Variants in LRRTM4 observed in about 807,000 individuals in gnomAD.
The protein encoded by LRRTM4 is leucine rich repeat transmembrane neuronal 4, also known as leucine-rich repeat transmembrane neuronal protein 4.
In LRRTM4, 25 loss-of-function variants were observed where a neutral mutation model predicts 47.6. That is an observed-to-expected ratio of 0.53 (90% CI 0.38 to 0.73). The LOEUF is 0.73. Among genes scored for constraint, LRRTM4 ranks in the 30% least tolerant of loss-of-function variants. The pLI, the probability that LRRTM4 is intolerant of heterozygous loss-of-function variation, is 0.00. For synonymous variants in LRRTM4, 311 were observed against 269.5 expected, an observed-to-expected ratio of 1.15 and a Z score of -1.51; for missense variants, 638 against 713.4, an observed-to-expected ratio of 0.89 and a Z score of 1.20.
At chr2:76,876,936 G>T (rs1672795533) in intron 3 of LRRTM4, among the ~76,000 whole-genome samples, 1 of 151,936 alleles carries the variant, frequency 6.6e-6, no homozygotes, top group Non-Finnish European at 1.5e-5. Context: ...TTAAAATAAA[G>T]GTTTCAAATC....
chr2:76,940,368 T>C (rs1024621465), intron 3 of LRRTM4, among the ~76,000 whole-genome samples: 3 of 152,102 alleles, frequency 2.0e-5, no homozygotes, highest in Non-Finnish European at 4.4e-5. Flanking sequence ...CCACTATACT[T>C]AGCAAACTGA....
intron 3 of LRRTM4, among the ~76,000 whole-genome samples, chr2:76,971,413 C>T (rs1196140296): frequency 6.6e-6 from 1 of 151,994 alleles, no homozygotes; most frequent in Non-Finnish European, 1.5e-5. Context: ...AGATGATTAA[C>T]AGGGGCTAAA....
rs1679408450 is a variant in LRRTM4 at position 77,050,873 on chromosome 2, T to G, written c.1552-301957A>C. ...CAGAGTAAGAACTTCTCAGATATTA[T>G]TCATCAGTACTCTTATTACAAATAT... On this transcript the variant is annotated intron_variant, in intron 3 of 3. Transcript: ENST00000409884. Among the ~76,000 whole-genome samples the G allele has an allele frequency of 5.3e-5, 8 of 152,298 alleles. No homozygotes were observed. The South Asian group carries it at 1.7e-3, about 32-fold the overall frequency.
At chr2:77,100,400 C>T (rs906098407) in intron 3 of LRRTM4, among the ~76,000 whole-genome samples, 4 of 152,140 alleles carry the variant, frequency 2.6e-5, no homozygotes, top group Admixed American at 6.6e-5. Flanking sequence ...CTTGCTTCAA[C>T]GATGGAGCGC....
chr2:77,169,282 T>G (rs755597689), intron 3 of LRRTM4, among the ~76,000 whole-genome samples: 1 of 152,130 alleles, frequency 6.6e-6, no homozygotes, highest in East Asian at 1.9e-4. Flanking sequence ...GGAAGTCAAA[T>G]TGTCAGTTTT....
chr2:77,140,506 TA>T, intron 3 of LRRTM4, among the ~76,000 whole-genome samples: 1 of 152,278 alleles, frequency 6.6e-6, no homozygotes, highest in African/African-American at 2.4e-5. Flanking sequence ...ATGTTACACC[TA>T]AAACCATAAA....
intron 3 of LRRTM4, among the ~76,000 whole-genome samples, chr2:77,379,327 T>C (rs759167182): frequency 3.9e-5 from 6 of 152,092 alleles, no homozygotes; most frequent in Admixed American, 2.0e-4. Context: ...AATAATACAT[T>C]ACGTTTATGT....
At position 77,233,205 on chromosome 2, in the gene LRRTM4, C is replaced by T. The variant is rs191476552; in HGVS notation, c.1551+285113G>A. On this transcript the variant is annotated intron_variant, in intron 3 of 3. Transcript: ENST00000409884. ...TTTATGAAATATTTGGAGGATTGGG[C>T]CTTGCTAAAAGTGTTTTAGAAAGTT... Among the ~76,000 whole-genome samples, 202 of 152,240 alleles carry T rather than the reference C, an allele frequency of 1.3e-3. 3 individuals carry two copies. Among genetic ancestry groups the T allele is most frequent in the Non-Finnish European group, 3.2e-4 (22 of 68,012 alleles).
At chr2:77,218,137 G>A (rs779124130) in intron 3 of LRRTM4, among the ~76,000 whole-genome samples, 1 of 152,112 alleles carries the variant, frequency 6.6e-6, no homozygotes, top group Non-Finnish European at 1.5e-5. Flanking sequence ...TGGGATTACA[G>A]GCATGTGCCG....
intron 3 of LRRTM4, among the ~76,000 whole-genome samples, chr2:76,889,473 A>G (rs1486108552): frequency 6.6e-6 from 1 of 151,892 alleles, no homozygotes; most frequent in Non-Finnish European, 1.5e-5. Context: ...TTCCTTCAAT[A>G]TTTTCACAAC....
chr2:76,980,504 A>G (rs777853160), intron 3 of LRRTM4, among the ~76,000 whole-genome samples: 38 of 152,122 alleles, frequency 2.5e-4, no homozygotes, highest in South Asian at 1.0e-3. Flanking sequence ...TGTCACTTGC[A>G]GAAAAATTCA....
chr2:77,009,974 T>TA (rs1246852403), intron 3 of LRRTM4, among the ~76,000 whole-genome samples: 2 of 146,912 alleles, frequency 1.4e-5, no homozygotes, highest in South Asian at 2.1e-4. Context: ...GACCCTTTTT[T>TA]TAAAAAAAAA....
intron 3 of LRRTM4, among the ~76,000 whole-genome samples, chr2:76,894,860 GCA>G (rs1673361765): frequency 6.7e-6 from 1 of 149,550 alleles, no homozygotes; most frequent in African/African-American, 2.5e-5. Context: ...ATACACATGC[GCA>G]CATTGTTATT....
chr2:76,894,018 G>A (rs1673332378), intron 3 of LRRTM4, among the ~76,000 whole-genome samples: 1 of 151,858 alleles, frequency 6.6e-6, no homozygotes, highest in South Asian at 2.1e-4. Context: ...CCCAATTAAA[G>A]TCAAATGTGC....
At chr2:76,911,276 C>A (rs1212719382) in intron 3 of LRRTM4, among the ~76,000 whole-genome samples, 2 of 152,148 alleles carry the variant, frequency 1.3e-5, no homozygotes, top group African/African-American at 4.8e-5. Flanking sequence ...AACCTCATCC[C>A]ATCATTTGTT....
At chr2:77,332,651 T>C (rs1039452564) in intron 3 of LRRTM4, among the ~76,000 whole-genome samples, 2 of 152,182 alleles carry the variant, frequency 1.3e-5, no homozygotes, top group Non-Finnish European at 2.9e-5. Context: ...TATTATCTTC[T>C]TCAGTAATAA....
In LRRTM4 at chr2:77,493,551, T is replaced by C. The variant is rs550875411; in HGVS notation, c.1551+24767A>G. Among the ~76,000 whole-genome samples, 8 of 152,160 alleles carry C rather than the reference T, an allele frequency of 5.3e-5. No homozygotes were observed. In the East Asian group the frequency reaches 1.4e-3, roughly 26 times the overall value. On this transcript the variant is annotated intron_variant, in intron 3 of 3. Transcript: ENST00000409884. ...ATTTATTTATATCACTCTGCAAATA[T>C]AGTTGAGAATCTCTTAAAAGTTGAT...
At chr2:77,144,006 T>C (rs746932194) in intron 3 of LRRTM4, among the ~76,000 whole-genome samples, 1 of 152,148 alleles carries the variant, frequency 6.6e-6, no homozygotes, top group Non-Finnish European at 1.5e-5. Context: ...TAATATTTAT[T>C]AGGAAATGTC....
At chr2:77,302,056 C>G (rs1321034293) in intron 3 of LRRTM4, among the ~76,000 whole-genome samples, 1 of 152,044 alleles carries the variant, frequency 6.6e-6, no homozygotes, top group Non-Finnish European at 1.5e-5. Context: ...AAAAAGAGAG[C>G]TAAGCAGAAA....
Sources: allele counts gnomAD v4.1 joint callset (sites outside exome capture counted in the v4.1 genomes callset), GRCh38; gene constraint gnomAD v4.1.1; transcripts MANE v1.5; gene names NCBI Gene and HGNC (gene_info 2026-07-23, HGNC 2026-07-21).